ST8SIA1: variants seen among roughly 807,000 people sequenced by gnomAD.
The protein encoded by ST8SIA1 is alpha-N-acetylneuraminide alpha-2,8-sialyltransferase.
ST8SIA1 carries 16 observed loss-of-function variants against 35.9 expected under a neutral mutation model. That is an observed-to-expected ratio of 0.45 (90% CI 0.30 to 0.68). The LOEUF is 0.68. ST8SIA1 is among the 30% of genes least tolerant of loss of function. The pLI is 0.09. For synonymous variants in ST8SIA1, 170 were observed against 169.6 expected (o/e 1.00, Z -0.02); for missense variants, 383 against 453.6 (o/e 0.84, Z 1.41).
chr12:22,240,189 A>C (rs1485067162), intron 4 of ST8SIA1, among the ~76,000 whole-genome samples: 1 of 152,164 alleles, frequency 6.6e-6, no homozygotes, highest in Non-Finnish European at 1.5e-5. Flanking sequence ...CCCAAGGTAA[A>C]TAATATTTAT....
intron 1 of ST8SIA1, among the ~76,000 whole-genome samples, chr12:22,291,585 C>G (rs1866177013): frequency 6.6e-6 from 1 of 152,194 alleles, no homozygotes; most frequent in African/African-American, 2.4e-5. Flanking sequence ...CCCTTCATAT[C>G]TAATCAGGGT....
Position 22,248,317 on chromosome 12 carries a change from C to T in ST8SIA1, c.584+689G>A, listed in dbSNP as rs571580473. Among the ~76,000 whole-genome samples the T allele has an allele frequency of 2.5e-4, 32 of 125,792 alleles. No individual in the cohort carries two copies. The South Asian group carries it at 4.9e-3, about 19-fold the overall frequency. The allele number at this position is 125,792 out of a possible 152,430, so 82.5% of individuals were successfully genotyped here. ...TGCTTGATTCCTCTTTCCTTGGAGA[C>T]GGACTCCTTCTCTACAATGAACAGT... On this transcript the variant is annotated intron_variant, in intron 4 of 4. Coordinates refer to ENST00000396037, the MANE Select transcript of ST8SIA1 (RefSeq NM_003034.4).
intron 4 of ST8SIA1, chr12:22,223,626 G>A (rs1369254811): frequency 1.8e-6 from 2 of 1,134,196 alleles, no homozygotes; most frequent in African/African-American, 1.7e-5. Context: ...CTGAAGTTGT[G>A]GCTTCTCAAC....
Position 22,199,631 on chromosome 12 carries a change from C to G in ST8SIA1, c.*1921G>C. ...GTAACATTATAATCTGCACTATCAACAAGTCATATTTTAAATTCTAATTTT... is the reference window on the plus strand; with the variant it reads ...GTAACATTATAATCTGCACTATCAAGAAGTCATATTTTAAATTCTAATTTT... On this transcript the variant is annotated 3_prime_UTR_variant, in exon 5 of 5. Transcript: ENST00000396037. 2 of 152,216 alleles carry G rather than the reference C, an allele frequency of 1.3e-5. 1 individual carries two copies. The highest frequency in any genetic ancestry group is 4.1e-4 in the South Asian group (2 of 4,830). 9.4% of individuals were successfully genotyped at this position (152,216 alleles called of 1,614,324 possible). A position where few individuals can be genotyped will look rare whatever the true frequency, so the allele number is the denominator to read the frequency against.
intron 1 of ST8SIA1, among the ~76,000 whole-genome samples, chr12:22,291,109 A>T (rs553733594): frequency 6.6e-6 from 1 of 152,334 alleles, no homozygotes; most frequent in East Asian, 1.9e-4. Flanking sequence ...TCAGGTTCTT[A>T]TCCCTCCTAA....
intron 4 of ST8SIA1, among the ~76,000 whole-genome samples, chr12:22,227,887 C>T (rs1227378112): frequency 6.6e-6 from 1 of 152,166 alleles, no homozygotes; most frequent in Non-Finnish European, 1.5e-5. Context: ...AGATCTTCTA[C>T]TCCAACTGAC....
chr12:22,300,865 A>G (rs1344904692), intron 1 of ST8SIA1, among the ~76,000 whole-genome samples: 1 of 152,154 alleles, frequency 6.6e-6, no homozygotes, highest in Admixed American at 6.5e-5. Flanking sequence ...CCTAAAGTCC[A>G]AAGTTGACAT....
Position 22,195,812 on chromosome 12 carries a change from G to A in ST8SIA1, c.*5740C>T, listed in dbSNP as rs759732661. ...AAACCTTTTTTTATTACAATTTTCT[G>A]TTCGTAATGCTGTGCAGATAAAATA... is the stretch of plus-strand genomic sequence containing the variant. On this transcript the variant is annotated 3_prime_UTR_variant, in exon 5 of 5. Coordinates refer to ENST00000396037, the MANE Select transcript of ST8SIA1 (RefSeq NM_003034.4). 6.6e-6 allele frequency: 1 copy of A among 151,740 alleles called. No homozygotes were observed. Among genetic ancestry groups the A allele is most frequent in the Non-Finnish European group, 1.5e-5 (1 of 67,956 alleles). The allele number at this position is 151,740 out of a possible 1,614,324, so 9.4% of individuals were successfully genotyped here.
intron 1 of ST8SIA1, among the ~76,000 whole-genome samples, chr12:22,317,948 T>C (rs934634185): frequency 6.6e-6 from 1 of 152,192 alleles, no homozygotes; most frequent in Non-Finnish European, 1.5e-5. Context: ...CTCAGTTTGT[T>C]GGAAATAGTC....
intron 3 of ST8SIA1, among the ~76,000 whole-genome samples, chr12:22,251,604 T>C (rs2120756698): frequency 6.6e-6 from 1 of 152,340 alleles, no homozygotes; most frequent in South Asian, 2.1e-4. Context: ...CATAAATTGA[T>C]AATTACAAAG....
intron 4 of ST8SIA1, among the ~76,000 whole-genome samples, chr12:22,206,175 T>C (rs1261307917): frequency 6.6e-6 from 1 of 152,036 alleles, no homozygotes; most frequent in East Asian, 1.9e-4. Context: ...AGAAAATAAG[T>C]TTTTAAAAAT....
intron 2 of ST8SIA1, among the ~76,000 whole-genome samples, chr12:22,284,227 A>C (rs1359919424): frequency 6.6e-6 from 1 of 152,212 alleles, no homozygotes; most frequent in East Asian, 1.9e-4. Flanking sequence ...GCTAACATAT[A>C]CGGAGTATTT....
intron 4 of ST8SIA1, among the ~76,000 whole-genome samples, chr12:22,247,744 T>TA (rs1248842097): frequency 6.6e-6 from 1 of 152,046 alleles, no homozygotes; most frequent in Non-Finnish European, 1.5e-5. Flanking sequence ...TCTCATCGCA[T>TA]AAAAAATTTT....
chr12:22,285,656 G>C (rs1204091162), intron 2 of ST8SIA1, among the ~76,000 whole-genome samples: 1 of 152,106 alleles, frequency 6.6e-6, no homozygotes, highest in East Asian at 1.9e-4. Context: ...CAGATCACTT[G>C]AGGTCCGGAG....
At chr12:22,215,258 G>A (rs1215693961) in intron 4 of ST8SIA1, among the ~76,000 whole-genome samples, 2 of 152,058 alleles carry the variant, frequency 1.3e-5, no homozygotes, top group Admixed American at 6.6e-5. Context: ...CTTCTCTTGT[G>A]TCACCCATAC....
intron 4 of ST8SIA1, among the ~76,000 whole-genome samples, chr12:22,218,666 G>A (rs1035706908): frequency 3.9e-5 from 4 of 103,786 alleles, no homozygotes; most frequent in Non-Finnish European, 8.3e-5. Context: ...GGTGGCAGGC[G>A]CCTATAATCC....
Position 22,260,915 on chromosome 12 carries a change from C to G in ST8SIA1, c.382-5526G>C, listed in dbSNP as rs531616916. ...TTTTTGAGACACAGTTTCACTCTGT[C>G]CCCCAGGCTGGAGTGCAGTGGTCCA... is the stretch of plus-strand genomic sequence containing the variant. On this transcript the variant is annotated intron_variant, in intron 2 of 4. Coordinates refer to ENST00000396037, the MANE Select transcript of ST8SIA1 (RefSeq NM_003034.4). 4.0e-5 allele frequency among the ~76,000 whole-genome samples: 5 copies of G among 124,562 alleles called. No homozygotes were observed. The South Asian group carries it at 1.1e-3, about 27-fold the overall frequency. 81.7% of individuals were successfully genotyped at this position (124,562 alleles called of 152,430 possible).
intron 4 of ST8SIA1, among the ~76,000 whole-genome samples, chr12:22,228,445 T>C (rs1865381729): frequency 6.6e-6 from 1 of 152,224 alleles, no homozygotes; most frequent in Non-Finnish European, 1.5e-5. Context: ...TATGTGTTTA[T>C]TTATGCTAAT....
At chr12:22,220,527 A>C (rs1373280450) in intron 4 of ST8SIA1, among the ~76,000 whole-genome samples, 2 of 152,002 alleles carry the variant, frequency 1.3e-5, no homozygotes, top group Non-Finnish European at 2.9e-5. Flanking sequence ...TTTATACACA[A>C]CTCACATGTG....
Sources: allele counts gnomAD v4.1 joint callset (sites outside exome capture counted in the v4.1 genomes callset), GRCh38; gene constraint gnomAD v4.1.1; transcripts MANE v1.5; gene names NCBI Gene and HGNC (gene_info 2026-07-23, HGNC 2026-07-21).